KIAA1217: variants seen among roughly 807,000 people sequenced by gnomAD.
KIAA1217 encodes the protein KIAA1217.
KIAA1217 carries 88 observed loss-of-function variants against 163.9 expected under a neutral mutation model. The ratio of observed to expected loss-of-function variants is 0.54; its 90% CI spans 0.45 to 0.64. The LOEUF (loss-of-function observed/expected upper bound fraction) is 0.64. Among genes scored for constraint, KIAA1217 ranks in the 30% least tolerant of loss-of-function variants. KIAA1217 has a pLI of 0.00. For missense variants in KIAA1217, 2,372 were observed against 2,475.0 expected (o/e 0.96, Z 0.88); for synonymous variants, 903 against 923.1 (o/e 0.98, Z 0.39).
In KIAA1217 at chr10:24,524,731, T is replaced by C. The variant is rs1430336867; in HGVS notation, c.2865T>C (p.Ser955=). 2.5e-6 allele frequency: 4 copies of C among 1,607,508 alleles called. No homozygotes were observed. The highest frequency in any genetic ancestry group is 1.3e-5 in the African/African-American group (1 of 74,838). ...MQSLFIEEIH[S]VSAKNRAVSI... ...GCTTGTTCATTGAAGAAATCCACAGTGTGAGTGCCAAGAACAGGGCAGTGT... is the reference window on the plus strand; with the variant it reads ...GCTTGTTCATTGAAGAAATCCACAGCGTGAGTGCCAAGAACAGGGCAGTGT... The change falls in exon 13 of 21, where the codon AGT becomes AGC. Residue 955 remains serine (S), a synonymous_variant. Transcript: ENST00000376454.
chr10:23,841,261 A>G (rs1838766992), intron 1 of KIAA1217, among the ~76,000 whole-genome samples: 1 of 152,170 alleles, frequency 6.6e-6, no homozygotes, highest in African/African-American at 2.4e-5. Context: ...TGCGATGTAA[A>G]AGCTGGAGGG....
At position 24,380,947 on chromosome 10, in the gene KIAA1217, G is replaced by A. The variant is rs369848932; in HGVS notation, c.433G>A (p.Ala145Thr). 190 of 1,608,814 alleles carry A rather than the reference G, an allele frequency of 1.2e-4. No individual in the cohort carries two copies. The highest frequency in any genetic ancestry group is 1.2e-4 in the Admixed American group (7 of 59,262). The change falls in exon 3 of 21, where the codon GCT (alanine) becomes ACT (threonine). Residue 145 changes from alanine (A) to threonine (T), a missense_variant. Transcript: ENST00000376454. ...GGTCGAGCATTTATCAGAGACGTCC[G>A]CTGATTCTTTGGAAGCCATGTCTGA... ...DPVEHLSETS[A>T]DSLEAMSEGD...
intron 2 of KIAA1217, among the ~76,000 whole-genome samples, chr10:24,109,312 T>G (rs748914972): frequency 6.6e-6 from 1 of 152,238 alleles, no homozygotes; most frequent in Non-Finnish European, 1.5e-5. Context: ...GTTGCCTTTT[T>G]TTAAATTGGG....
chr10:23,736,675 A>C (rs1564377810), intron 1 of KIAA1217, among the ~76,000 whole-genome samples: 1 of 152,086 alleles, frequency 6.6e-6, no homozygotes, highest in Non-Finnish European at 1.5e-5. Context: ...GGGACATACC[A>C]CCATGCCTGG....
At chr10:23,721,992 T>C (rs1837895395) in intron 1 of KIAA1217, among the ~76,000 whole-genome samples, 1 of 152,170 alleles carries the variant, frequency 6.6e-6, no homozygotes, top group South Asian at 2.1e-4. Flanking sequence ...AGTCATACAA[T>C]GGAATATTAT....
chr10:24,055,496 TG>T (rs1849829225), intron 2 of KIAA1217, among the ~76,000 whole-genome samples: 1 of 152,170 alleles, frequency 6.6e-6, no homozygotes, highest in South Asian at 2.1e-4. Context: ...GACTCAGCCA[TG>T]GGGAGCCATT....
At chr10:24,207,278 T>A (rs1257967844), upstream of KIAA1217, among the ~76,000 whole-genome samples, 2 of 101,156 alleles carry the variant, frequency 2.0e-5, no homozygotes, top group African/African-American at 1.5e-4. Context: ...TCTCTCTCTC[T>A]CTCTCACACA....
At chr10:24,175,794 G>T (rs947351584) in intron 2 of KIAA1217, among the ~76,000 whole-genome samples, 1 of 152,076 alleles carries the variant, frequency 6.6e-6, no homozygotes, top group Admixed American at 6.5e-5. Flanking sequence ...TTCTTAAGGT[G>T]GTGCATCTGG....
At chr10:24,315,815 T>C (rs1278776674) in intron 2 of KIAA1217, among the ~76,000 whole-genome samples, 1 of 152,138 alleles carries the variant, frequency 6.6e-6, no homozygotes, top group East Asian at 1.9e-4. Context: ...ATAAATTTGT[T>C]GCCAGAATGG....
intron 1 of KIAA1217, among the ~76,000 whole-genome samples, chr10:23,780,622 C>A (rs964154430): frequency 6.6e-6 from 1 of 152,146 alleles, no homozygotes; most frequent in African/African-American, 2.4e-5. Flanking sequence ...TTGCAAATAG[C>A]AAGATCTTCT....
intron 2 of KIAA1217, among the ~76,000 whole-genome samples, chr10:24,040,003 A>G (rs7908166): frequency 0.089 from 13,610 of 152,180 alleles, 1,213 homozygotes; most frequent in African/African-American, 0.23. Flanking sequence ...GTGTGCTATA[A>G]TAAGACGTCA....
chr10:24,486,775 T>C (rs2133496854), intron 6 of KIAA1217, among the ~76,000 whole-genome samples: 1 of 152,354 alleles, frequency 6.6e-6, no homozygotes, highest in Non-Finnish European at 1.5e-5. Flanking sequence ...CTCTTCTTTC[T>C]ATCTCTCTTC....
Position 24,544,205 on chromosome 10 carries a change from C to T in KIAA1217, c.4935C>T (p.Ser1645=). 6.2e-7 allele frequency: 1 copy of T among 1,614,062 alleles called. No individual in the cohort carries two copies. The change falls in exon 19 of 21, where the codon AGC becomes AGT. Residue 1645 remains serine, a synonymous_variant. Coordinates refer to ENST00000376454, the MANE Select transcript of KIAA1217 (RefSeq NM_019590.5). The stretch of plus-strand genomic sequence containing the variant: ...CAGTGAGGAGGCAAGAGCAGCCCAG[C>T]ATCGAGAGTACATCTCCGATTTCAA... ...ENTVRRQEQP[S]IESTSPISRT...
At chr10:23,831,248 T>C (rs1838178859) in intron 1 of KIAA1217, among the ~76,000 whole-genome samples, 2 of 147,802 alleles carry the variant, frequency 1.4e-5, no homozygotes, top group Admixed American at 1.3e-4. Context: ...CAAAAAAATA[T>C]AGATAAATGG....
At chr10:24,456,729 G>C (rs2132457007) in intron 5 of KIAA1217, among the ~76,000 whole-genome samples, 1 of 149,066 alleles carries the variant, frequency 6.7e-6, no homozygotes, top group East Asian at 2.0e-4. Context: ...TTGAGACAGA[G>C]TCTCGCTCTG....
intron 1 of KIAA1217, among the ~76,000 whole-genome samples, chr10:23,751,705 G>T (rs1174409802): frequency 6.6e-6 from 1 of 152,060 alleles, no homozygotes; most frequent in Non-Finnish European, 1.5e-5. Context: ...AGCAAATCTG[G>T]TTGAAGAAAA....
intron 2 of KIAA1217, among the ~76,000 whole-genome samples, chr10:24,052,098 A>C (rs74548846): frequency 6.6e-6 from 1 of 151,850 alleles, no homozygotes; most frequent in African/African-American, 2.4e-5. Context: ...CTGCACTCCT[A>C]TTTTCTGTTG....
intron 2 of KIAA1217, among the ~76,000 whole-genome samples, chr10:24,232,240 G>T (rs2071511179): frequency 6.6e-6 from 1 of 152,150 alleles, no homozygotes; most frequent in African/African-American, 2.4e-5. Context: ...TTGCAAAATT[G>T]ACGTACAGTT....
At chr10:23,810,422 C>T (rs575588581) in intron 1 of KIAA1217, among the ~76,000 whole-genome samples, 3 of 143,462 alleles carry the variant, frequency 2.1e-5, no homozygotes, top group Admixed American at 7.1e-5. Flanking sequence ...TATATACACA[C>T]ACGCTATATG....
Sources: allele counts gnomAD v4.1 joint callset (sites outside exome capture counted in the v4.1 genomes callset), GRCh38; gene constraint gnomAD v4.1.1; transcripts MANE v1.5; gene names NCBI Gene and HGNC (gene_info 2026-07-23, HGNC 2026-07-21).